CSF3R: variants seen among roughly 807,000 people sequenced by gnomAD.
The protein encoded by CSF3R is granulocyte colony-stimulating factor receptor.
A neutral mutation model predicts 84.4 loss-of-function variants in CSF3R; 52 were observed. The observed-to-expected ratio is 0.62, with a 90% CI of 0.49 to 0.78. The LOEUF is 0.78. Among genes scored for constraint, CSF3R ranks in the 30% least tolerant of loss-of-function variants. The pLI, the probability that CSF3R is intolerant of heterozygous loss-of-function variation, is 0.00. For synonymous variants in CSF3R, 384 were observed against 429.1 expected (o/e 0.89, Z 1.30); for missense variants, 890 against 1,055.7 (o/e 0.84, Z 2.17).
chr1:36,466,216 G>A lies in CSF3R; in HGVS notation c.*141C>T. 6.2e-7 allele frequency: 1 copy of A among 1,614,210 alleles called. No homozygotes were observed. The highest frequency in any genetic ancestry group is 1.1e-5 in the South Asian group (1 of 91,084). On this transcript the variant is annotated 3_prime_UTR_variant, in exon 17 of 17. Coordinates refer to ENST00000373106, the MANE Select transcript of CSF3R (RefSeq NM_000760.4). The surrounding 1 kb of genome is among the most constrained non-coding windows in gnomAD (Gnocchi z 4.6). ...GAGGCCCAGCCTATGGAGATTGGGA[G>A]GAGAGGGAGATGCTGGTGACTGGAG...
chr1:36,469,444 G>A (rs1483805806), intron 11 of CSF3R, among the ~76,000 whole-genome samples, 187 bp from the exon 12 acceptor site: 1 of 152,190 alleles, frequency 6.6e-6, no homozygotes, highest in Non-Finnish European at 1.5e-5. Context: ...CTAGAAGGGT[G>A]GCAGAGTCAG....
intron 2 of CSF3R, chr1:36,480,032 G>A (rs2124154306): frequency 4.2e-6 from 1 of 240,776 alleles, no homozygotes; most frequent in African/African-American, 2.2e-5. Context: ...CTTCCAAAGA[G>A]CCATGTAGAA....
chr1:36,469,197 A>T lies in CSF3R; in HGVS notation c.1535T>A (p.Met512Lys). ...GGCATAGACATGCTGGGAGGGTCCC[A>T]TGGTGTCCTGGTACAAGGGAGTCAC... ...IIVTPLYQDTMGPSQHVYAYS... is the reference protein window; with the variant it reads ...IIVTPLYQDTKGPSQHVYAYS... Residue 512 changes from methionine (M) to lysine (K), a missense_variant, in exon 12 of 17, where the codon ATG becomes AAG. Transcript: ENST00000373106. The T allele has an allele frequency of 1.9e-6, 3 of 1,614,148 alleles. No homozygotes were observed. The highest frequency in any genetic ancestry group is 2.5e-6 in the Non-Finnish European group (3 of 1,180,012).
chr1:36,472,434 C>A lies in CSF3R; in HGVS notation c.844-43G>T. The A allele has an allele frequency of 6.2e-7, 1 of 1,613,796 alleles. No homozygotes were observed. The highest frequency in any genetic ancestry group is 8.5e-7 in the Non-Finnish European group (1 of 1,179,918). On this transcript the variant is annotated intron_variant, in intron 7 of 16. Coordinates refer to ENST00000373106, the MANE Select transcript of CSF3R (RefSeq NM_000760.4). This position sits in a 1 kb window ranked among gnomAD's most constrained non-coding sequence, Gnocchi z 5.0. ...GGACTCTGAGCCTTGGATCGCTGGG[C>A]CATTCTAGGGCCAGCTCGAGCCCGA...
rs3832027 is a variant in CSF3R at position 36,479,706 on chromosome 1, AG to A, written c.-20-191del. 0.32 allele frequency among the ~76,000 whole-genome samples: 48,143 copies of A among 152,142 alleles called. 8,865 individuals carry two copies. Among genetic ancestry groups the A allele is most frequent in the South Asian group, 0.44 (2,145 of 4,822 alleles). On this transcript the variant is annotated intron_variant, in intron 2 of 16. Coordinates refer to ENST00000373106, the MANE Select transcript of CSF3R (RefSeq NM_000760.4). ...GGAAGACACAAAATGATGCAAGTCA[AG>A]GGCTTTTCACAGTGCCTGGAACATA...
Position 36,473,498 on chromosome 1 carries a change from G to T in CSF3R, c.610C>A (p.Gln204Lys). Reference protein sequence around the residue: ...LLYQNMGIWVQAENALGTSMS... With the variant: ...LLYQNMGIWVKAENALGTSMS... ...CTGGTCCCCAGCGCATTCTCTGCCT[G>T]CACCCAGATGCCCATATTCTGGTAC... Residue 204 changes from glutamine to lysine, a missense_variant, in exon 6 of 17, where the codon CAG becomes AAG. Coordinates refer to ENST00000373106, the MANE Select transcript of CSF3R (RefSeq NM_000760.4). 5 of 1,614,062 alleles carry T rather than the reference G, an allele frequency of 3.1e-6. No individual in the cohort carries two copies. The highest frequency in any genetic ancestry group is 3.4e-6 in the Non-Finnish European group (4 of 1,180,042).
At chr1:36,469,031 TC>T in intron 12 of CSF3R, 124 bp downstream of exon 12, 1 of 744,692 alleles carries the variant, frequency 1.3e-6, no homozygotes, top group Non-Finnish European at 2.4e-6. Context: ...TTGGGAGAGA[TC>T]CTCTCCAGGG....
chr1:36,482,626 A>C (rs1415628586), intron 1 of CSF3R, among the ~76,000 whole-genome samples, 185 bp downstream of exon 1: 1 of 152,112 alleles, frequency 6.6e-6, no homozygotes, highest in Non-Finnish European at 1.5e-5. Context: ...CAATACCCCC[A>C]AAAGTAGGGG....
At chr1:36,473,039 G>T in intron 6 of CSF3R, 3 of 408,080 alleles carry the variant, frequency 7.4e-6, no homozygotes, top group Non-Finnish European at 8.8e-6. Flanking sequence ...CTCTCTCTAT[G>T]CCCTTCTCCT....
Position 36,468,253 on chromosome 1 carries a change from G to A in CSF3R, c.1577-32C>T, listed in dbSNP as rs1320346828. 9 of 1,541,988 alleles carry A rather than the reference G, an allele frequency of 5.8e-6. No homozygotes were observed. In the South Asian group the frequency reaches 8.9e-5, roughly 15 times the overall value. Reference sequence around the variant, plus strand: ...GAAGAGAGAGGTGCGGGGGCTGAAGGGAGTGGGGCAGAGCAAGAGCCCGGT... The same window carrying A: ...GAAGAGAGAGGTGCGGGGGCTGAAGAGAGTGGGGCAGAGCAAGAGCCCGGT... On this transcript the variant is annotated intron_variant, in intron 12 of 16. Coordinates refer to ENST00000373106, the MANE Select transcript of CSF3R (RefSeq NM_000760.4).
At chr1:36,470,837 A>C (rs1650667528) in intron 10 of CSF3R, among the ~76,000 whole-genome samples, 2 of 152,098 alleles carry the variant, frequency 1.3e-5, no homozygotes, top group Non-Finnish European at 2.9e-5. Flanking sequence ...GAGAGAGCTT[A>C]ACCTGGTCTG....
intron 3 of CSF3R, chr1:36,477,818 G>A (rs1294944736): frequency 1.3e-5 from 2 of 152,060 alleles, no homozygotes; most frequent in Non-Finnish European, 2.9e-5. Flanking sequence ...GAGTGCAGTG[G>A]CGTGATCTCG....
In CSF3R at chr1:36,468,012, G is replaced by A. The variant is rs201387940; in HGVS notation, c.1724-50C>T. 218 of 1,614,242 alleles carry A rather than the reference G, an allele frequency of 1.4e-4. No individual in the cohort carries two copies. The Admixed American group carries it at 1.8e-3, about 14-fold the overall frequency. ...AGGCCTGGATGGTAAAGCTGCCTCC[G>A]TGGCAGCTGAGCACCCCCTTCCAGG... On this transcript the variant is annotated intron_variant, in intron 13 of 16. Coordinates refer to ENST00000373106, the MANE Select transcript of CSF3R (RefSeq NM_000760.4).
At chr1:36,475,793 T>C (rs1651106944) in intron 3 of CSF3R, 120 bp from the exon 4 acceptor site, 1 of 1,016,410 alleles carries the variant, frequency 9.8e-7, no homozygotes, top group Middle Eastern at 3.2e-4. Flanking sequence ...CTTCAAGATA[T>C]GGGGGCTGGA....
At chr1:36,473,100 T>G in intron 6 of CSF3R, 1 of 406,188 alleles carries the variant, frequency 2.5e-6, no homozygotes, top group African/African-American at 2.0e-5. Context: ...TATCTTATTT[T>G]CCCCCCCACT....
chr1:36,482,972 G>C (rs1276865980), upstream of CSF3R: 3 of 152,248 alleles, frequency 2.0e-5, no homozygotes, highest in African/African-American at 7.2e-5. Context: ...CACCTTCCGA[G>C]CCTCCCTCCT....
At position 36,472,317 on chromosome 1, in the gene CSF3R, C is replaced by T. The variant is rs370712007; in HGVS notation, c.918G>A (p.Gln306=). The change falls in exon 8 of 17, where the codon CAG becomes CAA. Residue 306 remains glutamine, a synonymous_variant. Coordinates refer to ENST00000373106, the MANE Select transcript of CSF3R (RefSeq NM_000760.4). The surrounding 1 kb of genome is among the most constrained non-coding windows in gnomAD (Gnocchi z 5.0). ...GCAGGGGCCAGCGGATGCAGCGTAT[C>T]TGCAGGGTGTAGGCCGTGGCTGGGA... ...GLLPATAYTL[Q]IRCIRWPLPG... is the part of the protein sequence containing the mutation. The T allele has an allele frequency of 6.2e-6, 10 of 1,614,098 alleles. No homozygotes were observed. The African/African-American group carries it at 1.3e-4, about 22-fold the overall frequency.
chr1:36,466,427 C>T lies in CSF3R; in HGVS notation c.2441G>A (p.Gly814Glu). 4 of 1,613,666 alleles carry T rather than the reference C, an allele frequency of 2.5e-6. No individual in the cohort carries two copies. The highest frequency in any genetic ancestry group is 3.4e-6 in the Non-Finnish European group (4 of 1,179,940). Residue 814 changes from glycine to glutamate, a missense_variant, in exon 17 of 17, where the codon GGG becomes GAG. Physicochemically the swap from Gly to Glu is moderately conservative, Grantham distance 98 (BLOSUM62 -2). Transcript: ENST00000373106. The surrounding 1 kb of genome is among the most constrained non-coding windows in gnomAD (Gnocchi z 4.6). ...APSQEDDCVF[G>E]PLLNFPLLQG... The stretch of plus-strand genomic sequence containing the variant: ...CAGGAGGGGGAAGTTGAGCAGTGGC[C>T]CAAAGACACAGTCGTCCTCCTGGCT...
At chr1:36,481,882 C>A in intron 1 of CSF3R, 1 of 152,800 alleles carries the variant, frequency 6.5e-6, no homozygotes, top group Non-Finnish European at 1.5e-5. Flanking sequence ...GCGGCCATCT[C>A]TGCTGGGCTC....
Sources: gnomAD v4.1 joint callset for allele counts (sites outside exome capture counted in the v4.1 genomes callset) on GRCh38, gnomAD v4.1.1 for gene constraint, Gnocchi (gnomAD v3.1) non-coding constraint, MANE v1.5 for transcripts, NCBI Gene and HGNC (gene_info 2026-07-23, HGNC 2026-07-21) for gene names.